The following CNTN4 variants were observed in gnomAD, a reference collection of about 807,000 sequenced individuals.
The protein encoded by CNTN4 is contactin 4.
Under a neutral mutation model 122.5 loss-of-function variants are expected in CNTN4, and 77 were observed. The ratio of observed to expected loss-of-function variants is 0.63; its 90% confidence interval spans 0.52 to 0.76. The LOEUF (loss-of-function observed/expected upper bound fraction) is 0.76. CNTN4 is among the 30% of genes least tolerant of loss of function. The pLI is 0.00. For missense variants in CNTN4, 1,256 were observed against 1,259.1 expected (o/e 1.00, Z 0.04); for synonymous variants, 512 against 447.0 (o/e 1.15, Z -1.83).
intron 2 of CNTN4, among the ~76,000 whole-genome samples, chr3:2,151,041 G>A (rs2035472382): frequency 6.6e-6 from 1 of 152,090 alleles, no homozygotes; most frequent in Admixed American, 6.6e-5. Context: ...CCCCACAGGA[G>A]AAGAAAGACA....
At chr3:2,179,783 C>T (rs911506293) in intron 2 of CNTN4, among the ~76,000 whole-genome samples, 4 of 151,824 alleles carry the variant, frequency 2.6e-5, no homozygotes, top group African/African-American at 7.3e-5. Context: ...CTAGCACTCT[C>T]CTTTAGAAAT....
chr3:2,484,988 G>A (rs1388346266), intron 3 of CNTN4, among the ~76,000 whole-genome samples: 3 of 152,206 alleles, frequency 2.0e-5, no homozygotes, highest in African/African-American at 4.8e-5. Flanking sequence ...TGGGCTCGGC[G>A]GCCCGCACTC....
intron 3 of CNTN4, among the ~76,000 whole-genome samples, chr3:2,380,954 T>C (rs2045994797): frequency 6.6e-6 from 1 of 152,106 alleles, no homozygotes; most frequent in Admixed American, 6.6e-5. Context: ...TCTTGAGTAC[T>C]GATGTTTCCA....
chr3:2,709,277 A>T lies in CNTN4; in HGVS notation c.56-26938A>T, dbSNP rs1373802483. 6.6e-6 allele frequency among the ~76,000 whole-genome samples: 1 copy of T among 152,204 alleles called. No homozygotes were observed. The highest frequency in any genetic ancestry group is 1.5e-5 in the Non-Finnish European group (1 of 68,038). On this transcript the variant is annotated intron_variant, in intron 4 of 24. Coordinates refer to ENST00000418658, the MANE Select transcript of CNTN4 (RefSeq NM_175607.3). The surrounding 1 kb of genome is among the most constrained non-coding windows in gnomAD (Gnocchi z 5.0). ...GTTTTGTTTTTAAATCTTGAAAGAG[A>T]CCTGAATTTATAATTAGTACAGTGT...
chr3:2,935,084 G>T (rs2094556582), intron 13 of CNTN4, among the ~76,000 whole-genome samples: 1 of 152,048 alleles, frequency 6.6e-6, no homozygotes. Context: ...CCAGTCCTCT[G>T]GGAGACCCCA....
At chr3:2,229,024 T>G (rs898182604) in intron 2 of CNTN4, among the ~76,000 whole-genome samples, 1 of 152,150 alleles carries the variant, frequency 6.6e-6, no homozygotes. Flanking sequence ...TTGCTCCAAC[T>G]TTTATTTTGA....
intron 3 of CNTN4, among the ~76,000 whole-genome samples, chr3:2,388,593 A>T (rs547361791): frequency 2.5e-4 from 38 of 152,286 alleles, no homozygotes; most frequent in African/African-American, 8.9e-4. Flanking sequence ...GCCTGTAATC[A>T]CAGCAATTTG....
chr3:2,414,631 TAAAC>T (rs1217271657), intron 3 of CNTN4, among the ~76,000 whole-genome samples: 1 of 152,072 alleles, frequency 6.6e-6, no homozygotes, highest in African/African-American at 2.4e-5. Flanking sequence ...AAGGAAAACA[TAAAC>T]AAACCATTAA....
intron 14 of CNTN4, among the ~76,000 whole-genome samples, chr3:3,012,769 G>C (rs1697362553): frequency 6.6e-6 from 1 of 152,060 alleles, no homozygotes; most frequent in Non-Finnish European, 1.5e-5. Flanking sequence ...AGGAGTTTGA[G>C]ATCAGCCTGG....
intron 12 of CNTN4, among the ~76,000 whole-genome samples, chr3:2,910,120 G>C (rs1403840931): frequency 6.6e-6 from 1 of 152,220 alleles, no homozygotes; most frequent in East Asian, 1.9e-4. Flanking sequence ...AGAATGTCTT[G>C]ACAGACTACC....
intron 19 of CNTN4, chr3:3,039,724 G>A (rs532745773): frequency 3.7e-5 from 14 of 375,080 alleles, no homozygotes; most frequent in South Asian, 3.4e-4. Flanking sequence ...TTGGAAATGT[G>A]GTTTTTCAGG....
intron 6 of CNTN4, among the ~76,000 whole-genome samples, chr3:2,776,022 T>C (rs2091301124): frequency 6.6e-6 from 1 of 152,214 alleles, no homozygotes; most frequent in Non-Finnish European, 1.5e-5. Context: ...TGTCATAGCA[T>C]ATTTATTGCA....
intron 2 of CNTN4, among the ~76,000 whole-genome samples, chr3:2,133,481 A>G (rs1163284534): frequency 6.6e-6 from 1 of 152,222 alleles, no homozygotes; most frequent in Non-Finnish European, 1.5e-5. Flanking sequence ...CAAATTGCAC[A>G]TTCCAATGTC....
At chr3:2,656,550 C>A (rs1352662769) in intron 4 of CNTN4, among the ~76,000 whole-genome samples, 1 of 152,238 alleles carries the variant, frequency 6.6e-6, no homozygotes. Flanking sequence ...AGCTCTAGTA[C>A]AGTCCCTGGA....
At chr3:2,240,340 T>G (rs1559370735) in intron 2 of CNTN4, among the ~76,000 whole-genome samples, 1 of 152,272 alleles carries the variant, frequency 6.6e-6, no homozygotes, top group East Asian at 1.9e-4. Context: ...AGGGGAAAGA[T>G]CCATTGAATT....
Position 2,794,492 on chromosome 3 carries a change from C to G in CNTN4, c.359-24994C>G, listed in dbSNP as rs1258253878. On this transcript the variant is annotated intron_variant, in intron 6 of 24. Coordinates refer to ENST00000418658, the MANE Select transcript of CNTN4 (RefSeq NM_175607.3). ...TCATAGAAAAGCACTGTTTTTAGAA[C>G]AAACTTTGCAAAAACTGTTAACATA... Among the ~76,000 whole-genome samples, 3 of 152,094 alleles carry G rather than the reference C, an allele frequency of 2.0e-5. No individual in the cohort carries two copies. The South Asian group carries it at 6.2e-4, about 31-fold the overall frequency.
chr3:2,851,227 G>A (rs763426342), intron 7 of CNTN4, among the ~76,000 whole-genome samples: 85 of 152,176 alleles, frequency 5.6e-4, no homozygotes, highest in Admixed American at 3.3e-3. Flanking sequence ...TCCATCTCTC[G>A]TGGATGTTAG....
chr3:2,167,250 A>G (rs1316833860), intron 2 of CNTN4, among the ~76,000 whole-genome samples: 1 of 152,196 alleles, frequency 6.6e-6, no homozygotes, highest in Non-Finnish European at 1.5e-5. Context: ...AGCTCTTGGC[A>G]TGATTGGACA....
At chr3:2,169,470 G>A (rs2728519) in intron 2 of CNTN4, among the ~76,000 whole-genome samples, 5 of 151,584 alleles carry the variant, frequency 3.3e-5, no homozygotes, top group Admixed American at 6.6e-5. Context: ...GCGGTGGCGC[G>A]ATCTCGGCTC....
Sources: gnomAD v4.1 joint callset for allele counts (sites outside exome capture counted in the v4.1 genomes callset) on GRCh38, gnomAD v4.1.1 for gene constraint, Gnocchi (gnomAD v3.1) non-coding constraint, MANE v1.5 for transcripts, NCBI Gene and HGNC (gene_info 2026-07-23, HGNC 2026-07-21) for gene names.